Variants in ACVR1C observed in about 807,000 individuals in gnomAD.
ACVR1C encodes activin A receptor type 1C, also known as activin receptor type-1C.
ACVR1C carries 23 observed loss-of-function variants against 57.9 expected under a neutral mutation model. The observed-to-expected ratio is 0.40, with a 90% CI of 0.29 to 0.56. The LOEUF (loss-of-function observed/expected upper bound fraction) is 0.56, where lower values mean the gene tolerates loss of function less well. ACVR1C is among the 20% of genes least tolerant of loss of function. ACVR1C has a pLI of 0.50. For synonymous variants in ACVR1C, 214 were observed against 215.3 expected (o/e 0.99, Z 0.05); for missense variants, 480 against 607.9 (o/e 0.79, Z 2.21).
chr2:157,603,839 A>G (rs1371210022), intron 1 of ACVR1C, among the ~76,000 whole-genome samples: 1 of 152,158 alleles, frequency 6.6e-6, no homozygotes, highest in Non-Finnish European at 1.5e-5. Context: ...AGAAGTTATA[A>G]AACATGGGTA....
At chr2:157,541,666 G>T (rs1347410121) in intron 6 of ACVR1C, among the ~76,000 whole-genome samples, 3 of 152,140 alleles carry the variant, frequency 2.0e-5, no homozygotes, top group African/African-American at 7.2e-5. Flanking sequence ...GCAAGGTAAG[G>T]CTTTTCTTGT....
At chr2:157,542,509 T>C (rs1429117760) in intron 6 of ACVR1C, among the ~76,000 whole-genome samples, 197 bp downstream of exon 6, 2 of 152,200 alleles carry the variant, frequency 1.3e-5, no homozygotes, top group Non-Finnish European at 1.5e-5. Context: ...CTGCAATCCA[T>C]ATGGCCCAAA....
At chr2:157,580,880 C>T (rs1266880319) in intron 2 of ACVR1C, among the ~76,000 whole-genome samples, 3 of 151,984 alleles carry the variant, frequency 2.0e-5, no homozygotes, top group Non-Finnish European at 4.4e-5. Flanking sequence ...CAAAACAAGA[C>T]AACAAAATAA....
chr2:157,597,344 G>A (rs1038565945), intron 1 of ACVR1C: 284 of 985,680 alleles, frequency 2.9e-4, no homozygotes, highest in Non-Finnish European at 3.3e-4. Flanking sequence ...GCCCGCCCCC[G>A]GGGAGCTCCC....
At chr2:157,613,115 C>T (rs972166730) in intron 1 of ACVR1C, among the ~76,000 whole-genome samples, 3 of 152,194 alleles carry the variant, frequency 2.0e-5, no homozygotes, top group African/African-American at 7.2e-5. Flanking sequence ...CCATTCCCTG[C>T]AATAGGAAGC....
intron 2 of ACVR1C, among the ~76,000 whole-genome samples, chr2:157,559,648 C>G (rs922103688): frequency 6.6e-6 from 1 of 151,966 alleles, no homozygotes; most frequent in East Asian, 1.9e-4. Flanking sequence ...TGGGGGGACA[C>G]GTTAAATCCC....
At chr2:157,559,073 AT>A (rs1420235314) in intron 2 of ACVR1C, among the ~76,000 whole-genome samples, 1 of 152,228 alleles carries the variant, frequency 6.6e-6, no homozygotes, top group Non-Finnish European at 1.5e-5. Context: ...GATCGTCATC[AT>A]TTTTGTAAAG....
In ACVR1C at chr2:157,544,202, A is replaced by AT. The variant is rs765521635; in HGVS notation, c.943+242dup. ...TAAAGGCATGTGCCACCACAACCAG[A>AT]TTTTTTTTTTTTTTTTTTTTTTGGT... is the stretch of plus-strand genomic sequence containing the variant. On this transcript the variant is annotated intron_variant, in intron 5 of 8. Transcript: ENST00000243349. 0.022 allele frequency among the ~76,000 whole-genome samples: 2,549 copies of AT among 116,872 alleles called. 86 individuals carry two copies. Among genetic ancestry groups the AT allele is most frequent in the African/African-American group, 0.062 (1,913 of 30,634 alleles). 76.7% of individuals were successfully genotyped at this position (116,872 alleles called of 152,430 possible).
intron 2 of ACVR1C, among the ~76,000 whole-genome samples, chr2:157,581,813 T>C (rs560139746): frequency 3.3e-5 from 5 of 152,362 alleles, no homozygotes; most frequent in Admixed American, 2.0e-4. Flanking sequence ...TGATGCAGAC[T>C]ATCAAGTACT....
intron 1 of ACVR1C, among the ~76,000 whole-genome samples, chr2:157,588,905 A>G (rs562576513): frequency 7.0e-6 from 1 of 143,712 alleles, no homozygotes; most frequent in East Asian, 2.0e-4. Context: ...ATATATATGT[A>G]CATGCTCATA....
chr2:157,532,644 C>T lies in ACVR1C; in HGVS notation c.*1274G>A, dbSNP rs1687384040. 1 of 152,004 alleles carries T rather than the reference C, an allele frequency of 6.6e-6. No individual in the cohort carries two copies. Among genetic ancestry groups the T allele is most frequent in the Non-Finnish European group, 1.5e-5 (1 of 67,964 alleles). 9.4% of individuals were successfully genotyped at this position (152,004 alleles called of 1,614,324 possible). A position where few individuals can be genotyped will look rare whatever the true frequency, so the allele number is the denominator to read the frequency against. ...CCATTAAATATTCATTACTCTGTGT[C>T]CACAGAAAGTAGAATGAAGGCAAAA... On this transcript the variant is annotated 3_prime_UTR_variant, in exon 9 of 9. Coordinates refer to ENST00000243349, the MANE Select transcript of ACVR1C (RefSeq NM_145259.3).
intron 5 of ACVR1C, among the ~76,000 whole-genome samples, chr2:157,544,114 C>T (rs1167992999): frequency 6.8e-6 from 1 of 147,440 alleles, no homozygotes; most frequent in Non-Finnish European, 1.5e-5. Flanking sequence ...TCGTAACTCA[C>T]TGCAGCCTGG....
At chr2:157,559,907 GAGGAAGGAAGA>G (rs1688196520) in intron 2 of ACVR1C, among the ~76,000 whole-genome samples, 1 of 151,312 alleles carries the variant, frequency 6.6e-6, no homozygotes, top group African/African-American at 2.4e-5. Context: ...AGGAAGGAAA[GAGGAAGGAAGA>G]AGGAAGGAAA....
At chr2:157,613,462 A>AC (rs199729389) in intron 1 of ACVR1C, among the ~76,000 whole-genome samples, 9,638 of 152,158 alleles carry the variant, frequency 0.063, 463 homozygotes, top group East Asian at 0.23. Flanking sequence ...TTTTTTTCCA[A>AC]ATATTTTCAA....
intron 2 of ACVR1C, among the ~76,000 whole-genome samples, chr2:157,559,301 G>T (rs1156443092): frequency 6.6e-6 from 1 of 152,076 alleles, no homozygotes; most frequent in East Asian, 1.9e-4. Context: ...GCTAGAAAAA[G>T]TCTAGCAACA....
intron 1 of ACVR1C, among the ~76,000 whole-genome samples, chr2:157,620,932 T>G (rs1379477590): frequency 6.6e-6 from 1 of 152,182 alleles, no homozygotes; most frequent in Non-Finnish European, 1.5e-5. Flanking sequence ...CCTGTCTTTT[T>G]ATTAACCATG....
rs1553484693 is a variant in ACVR1C, at chr2:157,594,428, T to TTGGGTATGTGAACAGGA, written c.74-7028_74-7012dup. On this transcript the variant is annotated intron_variant, in intron 1 of 8. Coordinates refer to ENST00000243349, the MANE Select transcript of ACVR1C (RefSeq NM_145259.3). The stretch of plus-strand genomic sequence containing the variant: ...GATAGATGAAAAGAGAGAATTGGTG[T>TTGGGTATGTGAACAGGA]TGGGTATGTGAACAGGATAGGTCTG... 7.2e-5 allele frequency among the ~76,000 whole-genome samples: 11 copies of TTGGGTATGTGAACAGGA among 152,008 alleles called. 1 individual carries two copies. Among genetic ancestry groups the TTGGGTATGTGAACAGGA allele is most frequent in the African/African-American group, 2.4e-4 (10 of 41,496 alleles).
chr2:157,561,818 A>G (rs562027743), intron 2 of ACVR1C, among the ~76,000 whole-genome samples: 80 of 152,312 alleles, frequency 5.3e-4, no homozygotes, highest in African/African-American at 1.8e-3. Context: ...TGGTTTCTTG[A>G]TGCTTTACTA....
chr2:157,549,226 G>T (rs1034327655), intron 4 of ACVR1C, among the ~76,000 whole-genome samples: 1 of 152,090 alleles, frequency 6.6e-6, no homozygotes, highest in African/African-American at 2.4e-5. Flanking sequence ...ATGGTGGCAG[G>T]CACCTGTAGT....
Sources: gnomAD v4.1 joint callset for allele counts (sites outside exome capture counted in the v4.1 genomes callset) on GRCh38, gnomAD v4.1.1 for gene constraint, MANE v1.5 for transcripts, NCBI Gene and HGNC (gene_info 2026-07-23, HGNC 2026-07-21) for gene names.